ESRRG: variants seen among roughly 807,000 people sequenced by gnomAD.
The protein encoded by ESRRG is estrogen-related receptor gamma.
ESRRG carries 13 observed loss-of-function variants against 44.0 expected under a neutral mutation model. The ratio of observed to expected loss-of-function variants is 0.30; its 90% confidence interval spans 0.19 to 0.47. ESRRG has a LOEUF of 0.47. ESRRG is among the 20% of genes least tolerant of loss of function. The pLI is 1.00. For synonymous variants in ESRRG, 215 were observed against 214.6 expected (o/e 1.00, Z -0.02); for missense variants, 395 against 580.6 (o/e 0.68, Z 3.29).
intron 1 of ESRRG, among the ~76,000 whole-genome samples, chr1:217,089,011 G>A (rs1268810797): frequency 6.6e-6 from 1 of 152,042 alleles, no homozygotes; most frequent in Non-Finnish European, 1.5e-5. Context: ...ACAGGAGGGA[G>A]ACACCTAGGA....
At chr1:216,509,253 T>A (rs2042048436) in intron 6 of ESRRG, among the ~76,000 whole-genome samples, 1 of 152,214 alleles carries the variant, frequency 6.6e-6, no homozygotes, top group Non-Finnish European at 1.5e-5. Flanking sequence ...ACACATCCTA[T>A]TCAAACTCCT....
intron 2 of ESRRG, among the ~76,000 whole-genome samples, chr1:216,782,382 T>C (rs2093967338): frequency 6.6e-6 from 1 of 152,034 alleles, no homozygotes; most frequent in Non-Finnish European, 1.5e-5. Context: ...TCTTTCCCTG[T>C]ATATATTAAT....
intron 2 of ESRRG, among the ~76,000 whole-genome samples, chr1:216,775,060 C>T (rs892358497): frequency 4.0e-5 from 6 of 151,850 alleles, no homozygotes; most frequent in Non-Finnish European, 8.8e-5. Context: ...CCTCCCATCT[C>T]GGCCACCCCA....
At chr1:216,956,453 C>T (rs1174072832) in intron 1 of ESRRG, among the ~76,000 whole-genome samples, 1 of 152,148 alleles carries the variant, frequency 6.6e-6, no homozygotes, top group African/African-American at 2.4e-5. Flanking sequence ...CTACTCTGTT[C>T]CATCGGTCTA....
chr1:216,808,584 A>C (rs2094871077), intron 2 of ESRRG, among the ~76,000 whole-genome samples: 1 of 151,884 alleles, frequency 6.6e-6, no homozygotes, highest in Non-Finnish European at 1.5e-5. Context: ...GTGTCACTCC[A>C]CCGGCTAATT....
chr1:216,522,445 A>C (rs2046380807), intron 5 of ESRRG, among the ~76,000 whole-genome samples: 1 of 151,054 alleles, frequency 6.6e-6, no homozygotes, highest in South Asian at 2.1e-4. Flanking sequence ...AAAAGTCTGA[A>C]CTTCTTCTAT....
intron 6 of ESRRG, among the ~76,000 whole-genome samples, chr1:216,518,181 T>C (rs953104130): frequency 1.3e-5 from 2 of 152,114 alleles, no homozygotes; most frequent in Non-Finnish European, 2.9e-5. Flanking sequence ...CAGCCTGAGA[T>C]TGATCGTCAC....
chr1:217,070,949 A>G (rs1452826322), intron 1 of ESRRG, among the ~76,000 whole-genome samples: 1 of 152,204 alleles, frequency 6.6e-6, no homozygotes, highest in Non-Finnish European at 1.5e-5. Context: ...CTCTACTTCC[A>G]GAACTGGTGA....
chr1:216,801,048 G>A (rs1467257500), intron 2 of ESRRG, among the ~76,000 whole-genome samples: 2 of 151,948 alleles, frequency 1.3e-5, no homozygotes, highest in Admixed American at 1.3e-4. Context: ...TAGTGAAATG[G>A]TTACCATAAT....
chr1:216,550,588 A>G (rs541665538), intron 5 of ESRRG, among the ~76,000 whole-genome samples: 1 of 152,264 alleles, frequency 6.6e-6, no homozygotes, highest in Admixed American at 6.5e-5. Flanking sequence ...TAACAAGCCA[A>G]GTATGGACGC....
intron 2 of ESRRG, among the ~76,000 whole-genome samples, chr1:216,869,056 T>G (rs543030591): frequency 6.6e-6 from 1 of 152,194 alleles, no homozygotes; most frequent in Non-Finnish European, 1.5e-5. Context: ...GCAAACATTT[T>G]AAATTTTGTT....
At chr1:217,075,183 T>C (rs2091118008) in intron 1 of ESRRG, among the ~76,000 whole-genome samples, 1 of 152,208 alleles carries the variant, frequency 6.6e-6, no homozygotes, top group Admixed American at 6.5e-5. Flanking sequence ...TTCAAACCCA[T>C]GTTGTTCGAG....
At chr1:216,630,291 C>T (rs1031146631) in intron 3 of ESRRG, among the ~76,000 whole-genome samples, 2 of 152,126 alleles carry the variant, frequency 1.3e-5, no homozygotes, top group Non-Finnish European at 2.9e-5. Flanking sequence ...CAATCATAGA[C>T]TATCAGCCTG....
At chr1:216,827,707 A>G (rs1373332506) in intron 2 of ESRRG, among the ~76,000 whole-genome samples, 1 of 152,216 alleles carries the variant, frequency 6.6e-6, no homozygotes, top group African/African-American at 2.4e-5. Flanking sequence ...GCAATGGTGC[A>G]TACAGTATCA....
chr1:216,853,322 C>T (rs1156883460), intron 2 of ESRRG, among the ~76,000 whole-genome samples: 1 of 152,184 alleles, frequency 6.6e-6, no homozygotes, highest in African/African-American at 2.4e-5. Flanking sequence ...TGCCAGTTCG[C>T]TCTGAAATAT....
intron 2 of ESRRG, among the ~76,000 whole-genome samples, chr1:216,653,267 A>T (rs1390571770): frequency 2.6e-5 from 4 of 152,208 alleles, no homozygotes; most frequent in African/African-American, 9.6e-5. Flanking sequence ...GGACTATGGC[A>T]GTTATCCCCT....
intron 2 of ESRRG, among the ~76,000 whole-genome samples, chr1:216,844,352 A>C (rs1050405083): frequency 2.0e-5 from 3 of 152,160 alleles, no homozygotes; most frequent in Admixed American, 6.5e-5. Context: ...ATCTCCATTA[A>C]GTCCCTCAGC....
At chr1:216,897,020 G>A (rs1480344885) in intron 2 of ESRRG, among the ~76,000 whole-genome samples, 1 of 152,176 alleles carries the variant, frequency 6.6e-6, no homozygotes, top group African/African-American at 2.4e-5. Flanking sequence ...GAATGTCTGA[G>A]AAGATGAAAG....
chr1:216,541,602 GTGTGTA>G (rs146342165), intron 5 of ESRRG, among the ~76,000 whole-genome samples: 2,075 of 139,884 alleles, frequency 0.015, 66 homozygotes, highest in African/African-American at 0.058. Flanking sequence ...GTGTGTGTGT[GTGTGTA>G]TGTGATCAGC....
Sources: gnomAD v4.1 joint callset for allele counts (sites outside exome capture counted in the v4.1 genomes callset) on GRCh38, gnomAD v4.1.1 for gene constraint, MANE v1.5 for transcripts, NCBI Gene and HGNC (gene_info 2026-07-23, HGNC 2026-07-21) for gene names.